Variants in ZNF503 observed in about 807,000 individuals in gnomAD.
The protein encoded by ZNF503 is zinc finger protein 503.
ZNF503 carries 15 observed loss-of-function variants against 34.4 expected under a neutral mutation model. The observed-to-expected ratio is 0.44, with a 90% CI of 0.29 to 0.67. The LOEUF is 0.67. Ranked by LOEUF, ZNF503 falls within the 30% of genes least tolerant of loss-of-function variation. ZNF503 has a pLI of 0.13. For missense variants in ZNF503, 1,007 were observed against 926.8 expected, an observed-to-expected ratio of 1.09 and a Z score of -1.12; for synonymous variants, 580 against 456.8, an observed-to-expected ratio of 1.27 and a Z score of -3.44.
At chr10:75,359,176 TA>T in the ZNF503 span, 10 of 152,326 alleles carry the variant, frequency 6.6e-5, no homozygotes, top group African/African-American at 2.4e-4. Context: ...GATTTGGAAA[TA>T]AAAAGGCAGG....
At chr10:75,381,345 C>T in the ZNF503 span, among the ~76,000 whole-genome samples, 781 of 152,170 alleles carry the variant, frequency 5.1e-3, 5 homozygotes, top group African/African-American at 0.018. Context: ...TACTCAACTT[C>T]CCCAGTAGCT....
the ZNF503 span, among the ~76,000 whole-genome samples, chr10:75,332,968 C>T: frequency 1.4e-5 from 2 of 145,268 alleles, 1 homozygote; most frequent in Non-Finnish European, 3.0e-5. Flanking sequence ...GTCATCCTGG[C>T]CCGTTCTCAA....
downstream of ZNF503, among the ~76,000 whole-genome samples, chr10:75,397,178 C>T (rs1173980938): frequency 2.0e-5 from 3 of 150,328 alleles, no homozygotes; most frequent in African/African-American, 7.3e-5. Context: ...CCGGCCAGCC[C>T]CGGGTCCCGA....
At chr10:75,309,447 C>T in the ZNF503 span, among the ~76,000 whole-genome samples, 1 of 152,166 alleles carries the variant, frequency 6.6e-6, no homozygotes, top group Non-Finnish European at 1.5e-5. Flanking sequence ...GCCACTGCAT[C>T]CTTCAACAAC....
the ZNF503 span, among the ~76,000 whole-genome samples, chr10:75,282,934 C>T: frequency 8.2e-3 from 1,248 of 152,338 alleles, 12 homozygotes; most frequent in Middle Eastern, 0.017. Context: ...CAGAACTGCC[C>T]CTCCAAACTG....
At chr10:75,300,763 T>C in the ZNF503 span, among the ~76,000 whole-genome samples, 1 of 143,056 alleles carries the variant, frequency 7.0e-6, no homozygotes, top group Non-Finnish European at 1.5e-5. Context: ...TGGAGTGCGA[T>C]GGTGCGGTCT....
At chr10:75,351,361 G>A in the ZNF503 span, among the ~76,000 whole-genome samples, 3 of 152,002 alleles carry the variant, frequency 2.0e-5, no homozygotes, top group South Asian at 2.1e-4. Flanking sequence ...TAGTAGAGAC[G>A]GGGTTTCACC....
chr10:75,398,149 CA>C lies in ZNF503; in HGVS notation c.*599del, dbSNP rs1843724759. On this transcript the variant is annotated 3_prime_UTR_variant, in exon 2 of 2. Transcript: ENST00000372524. ...GCTGACAAATTGTGACTTTTTTTTT[CA>C]TTTTTTTTGTAACAAACATGCATGT... The C allele has an allele frequency of 6.9e-6, 1 of 144,604 alleles. No individual in the cohort carries two copies. Among genetic ancestry groups the C allele is most frequent in the South Asian group, 2.1e-4 (1 of 4,742 alleles). 9.0% of individuals were successfully genotyped at this position (144,604 alleles called of 1,614,324 possible). A position where few individuals can be genotyped will look rare whatever the true frequency, so the allele number is the denominator to read the frequency against.
the ZNF503 span, among the ~76,000 whole-genome samples, chr10:75,368,051 T>C: frequency 2.0e-5 from 3 of 152,210 alleles, no homozygotes; most frequent in Admixed American, 2.0e-4. Context: ...GCATCTGGAA[T>C]GTCCCCACAC....
At chr10:75,307,435 G>T in the ZNF503 span, among the ~76,000 whole-genome samples, 1 of 152,216 alleles carries the variant, frequency 6.6e-6, no homozygotes, top group East Asian at 1.9e-4. Flanking sequence ...TGGAAGCCAG[G>T]AGAGGCTGGC....
the ZNF503 span, among the ~76,000 whole-genome samples, chr10:75,360,422 G>A: frequency 7.9e-5 from 12 of 152,034 alleles, no homozygotes; most frequent in Admixed American, 1.3e-4. Flanking sequence ...CACCGTGACC[G>A]GCCTGGGGGC....
In ZNF503 at chr10:75,401,034, C is replaced by T. The variant is rs755997112; in HGVS notation, c.315+71G>A. On this transcript the variant is annotated intron_variant, in intron 1 of 1. Coordinates refer to ENST00000372524, the MANE Select transcript of ZNF503 (RefSeq NM_032772.6). ...GACCCCCCCACCTCCGCCCAGATCC[C>T]GAGAAAAAGAAAGCCCTAGGGTGGC... is the stretch of plus-strand genomic sequence containing the variant. 1.9e-6 allele frequency: 3 copies of T among 1,600,784 alleles called. No individual in the cohort carries two copies. The African/African-American group carries it at 4.0e-5, about 21-fold the overall frequency.
chr10:75,289,580 A>AATT, the ZNF503 span, among the ~76,000 whole-genome samples: 172 of 151,970 alleles, frequency 1.1e-3, no homozygotes, highest in South Asian at 0.011. Flanking sequence ...CCATGGTAAC[A>AATT]ATTATTATTA....
the ZNF503 span, among the ~76,000 whole-genome samples, chr10:75,318,338 T>C: frequency 2.0e-5 from 3 of 151,964 alleles, no homozygotes; most frequent in African/African-American, 7.3e-5. Flanking sequence ...GCAAAAATAT[T>C]CTGGAATGAA....
At chr10:75,304,523 C>T in the ZNF503 span, among the ~76,000 whole-genome samples, 1 of 152,174 alleles carries the variant, frequency 6.6e-6, no homozygotes, top group Non-Finnish European at 1.5e-5. Context: ...GACTGGTTTA[C>T]TACTCTCAAT....
chr10:75,365,467 A>C, the ZNF503 span, among the ~76,000 whole-genome samples: 1 of 152,364 alleles, frequency 6.6e-6, no homozygotes, highest in East Asian at 1.9e-4. Context: ...TTTCAAAGAA[A>C]GAAAAAAGAG....
At chr10:75,379,441 A>G in the ZNF503 span, among the ~76,000 whole-genome samples, 2 of 152,216 alleles carry the variant, frequency 1.3e-5, no homozygotes, top group African/African-American at 2.4e-5. Context: ...ATTAAATTGT[A>G]AGGCCTTGCC....
At chr10:75,392,437 C>G in the ZNF503 span, among the ~76,000 whole-genome samples, 1 of 152,236 alleles carries the variant, frequency 6.6e-6, no homozygotes, top group Admixed American at 6.5e-5. Flanking sequence ...AGGGAAAGAT[C>G]GGTGTGTGGT....
At chr10:75,289,418 T>G in the ZNF503 span, among the ~76,000 whole-genome samples, 1 of 152,210 alleles carries the variant, frequency 6.6e-6, no homozygotes, top group African/African-American at 2.4e-5. Flanking sequence ...TGTCAGTTTC[T>G]GTGGTCAGGA....
Sources: gnomAD v4.1 joint callset for allele counts (sites outside exome capture counted in the v4.1 genomes callset) on GRCh38, gnomAD v4.1.1 for gene constraint, MANE v1.5 for transcripts, NCBI Gene and HGNC (gene_info 2026-07-23, HGNC 2026-07-21) for gene names.